TTLL11: variants seen among roughly 807,000 people sequenced by gnomAD.
TTLL11 encodes tubulin tyrosine ligase like 11.
A neutral mutation model predicts 51.7 loss-of-function variants in TTLL11; 42 were observed. That is an observed-to-expected ratio of 0.81 (90% CI 0.64 to 1.05). The LOEUF is 1.05. Among genes scored for constraint, TTLL11 ranks in the 50% least tolerant of loss-of-function variants. The pLI is 0.00. For missense variants in TTLL11, 799 were observed against 940.4 expected (o/e 0.85, Z 1.97); for synonymous variants, 381 against 383.5 (o/e 0.99, Z 0.08).
At chr9:122,057,414 C>T (rs185630820) in intron 1 of TTLL11, among the ~76,000 whole-genome samples, 33 of 151,032 alleles carry the variant, frequency 2.2e-4, no homozygotes, top group Admixed American at 7.3e-4. Flanking sequence ...CTCCGGCTCC[C>T]GGGTTCAAGC....
chr9:121,921,966 A>G, intron 6 of TTLL11, among the ~76,000 whole-genome samples: 1 of 152,202 alleles, frequency 6.6e-6, no homozygotes, highest in East Asian at 1.9e-4. Context: ...CACAGACTGA[A>G]AACTTTTCAT....
chr9:121,835,650 C>T (rs1171441979), intron 8 of TTLL11, among the ~76,000 whole-genome samples: 1 of 152,194 alleles, frequency 6.6e-6, no homozygotes, highest in Non-Finnish European at 1.5e-5. Flanking sequence ...AAATAACAAA[C>T]ATAATCAAAG....
intron 3 of TTLL11, among the ~76,000 whole-genome samples, chr9:122,010,137 T>C (rs1843755775): frequency 6.6e-6 from 1 of 152,208 alleles, no homozygotes; most frequent in Non-Finnish European, 1.5e-5. Context: ...TTAGTTAATC[T>C]GACAGTTCAT....
At chr9:121,904,930 G>C (rs997564145) in intron 6 of TTLL11, among the ~76,000 whole-genome samples, 1 of 152,188 alleles carries the variant, frequency 6.6e-6, no homozygotes, top group Non-Finnish European at 1.5e-5. Flanking sequence ...ATGTATGGAC[G>C]TCGATGCTCC....
chr9:121,886,965 G>A (rs144452137), intron 6 of TTLL11, among the ~76,000 whole-genome samples: 2 of 152,300 alleles, frequency 1.3e-5, no homozygotes, highest in South Asian at 2.1e-4. Flanking sequence ...GCTCAGCTGC[G>A]TGGGATGAAC....
intron 6 of TTLL11, among the ~76,000 whole-genome samples, chr9:121,935,675 C>T (rs1841179636): frequency 6.6e-6 from 1 of 152,166 alleles, no homozygotes; most frequent in Non-Finnish European, 1.5e-5. Flanking sequence ...ATTCTTAGAG[C>T]TCTCCAAACT....
intron 8 of TTLL11, among the ~76,000 whole-genome samples, chr9:121,825,776 G>T (rs547870321): frequency 6.6e-6 from 1 of 151,332 alleles, no homozygotes; most frequent in Non-Finnish European, 1.5e-5. Flanking sequence ...TGTCAGTTTC[G>T]TTCCCTTAGT....
intron 3 of TTLL11, among the ~76,000 whole-genome samples, chr9:121,998,148 C>T (rs558093994): frequency 1.3e-5 from 2 of 152,284 alleles, no homozygotes; most frequent in South Asian, 2.1e-4. Flanking sequence ...CGAATGTATA[C>T]GACTGGTTAT....
chr9:122,000,879 C>G (rs970189467), intron 3 of TTLL11, among the ~76,000 whole-genome samples: 1 of 152,140 alleles, frequency 6.6e-6, no homozygotes, highest in African/African-American at 2.4e-5. Context: ...GATCAGGACC[C>G]GTTTCTGGTT....
chr9:122,010,025 G>A (rs902763841), intron 3 of TTLL11, among the ~76,000 whole-genome samples: 5 of 151,874 alleles, frequency 3.3e-5, no homozygotes, highest in African/African-American at 4.8e-5. Context: ...TGTATCCTAC[G>A]TGGTCATTAA....
chr9:122,037,584 C>T (rs1844738403), intron 2 of TTLL11, among the ~76,000 whole-genome samples: 1 of 152,072 alleles, frequency 6.6e-6, no homozygotes, highest in Non-Finnish European at 1.5e-5. Context: ...CTTAATATGA[C>T]CCTTGCTTGG....
chr9:122,043,271 G>A (rs1371165826), intron 1 of TTLL11, among the ~76,000 whole-genome samples: 1 of 152,138 alleles, frequency 6.6e-6, no homozygotes, highest in Non-Finnish European at 1.5e-5. Flanking sequence ...AAAAAAATCA[G>A]TGTGGTACTG....
intron 8 of TTLL11, among the ~76,000 whole-genome samples, chr9:121,836,380 T>A (rs938211485): frequency 1.3e-5 from 2 of 152,160 alleles, no homozygotes; most frequent in African/African-American, 4.8e-5. Flanking sequence ...TTGCCCTTCC[T>A]GACATTGCTA....
chr9:122,067,257 C>T (rs183497141), intron 1 of TTLL11, among the ~76,000 whole-genome samples: 10 of 152,272 alleles, frequency 6.6e-5, no homozygotes, highest in South Asian at 2.1e-4. Context: ...ATAAAAACTC[C>T]CTAACACAGA....
In TTLL11 at chr9:121,995,251, A is replaced by C. The variant is rs1198081856; in HGVS notation, c.694-5481T>G. Reference sequence around the variant, plus strand: ...GGCTGGAACGGGCAGAACAGACCCCAAACACCCTGTATTTATACTCGATCT... The same window carrying C: ...GGCTGGAACGGGCAGAACAGACCCCCAACACCCTGTATTTATACTCGATCT... On this transcript the variant is annotated intron_variant, in intron 3 of 8. Coordinates refer to ENST00000321582, the MANE Select transcript of TTLL11 (RefSeq NM_001139442.2). This position sits in a 1 kb window ranked among gnomAD's most constrained non-coding sequence, Gnocchi z 4.4. Among the ~76,000 whole-genome samples, 1 of 152,204 alleles carries C rather than the reference A, an allele frequency of 6.6e-6. No individual in the cohort carries two copies. The highest frequency in any genetic ancestry group is 1.9e-4 in the East Asian group (1 of 5,192).
intron 8 of TTLL11, among the ~76,000 whole-genome samples, chr9:121,858,953 C>T (rs906161893): frequency 3.9e-5 from 6 of 152,198 alleles, no homozygotes; most frequent in East Asian, 1.9e-4. Flanking sequence ...CCCTTCTGTG[C>T]GTCCCTTTTG....
At chr9:121,969,113 G>A (rs564177088) in intron 6 of TTLL11, among the ~76,000 whole-genome samples, 5 of 152,184 alleles carry the variant, frequency 3.3e-5, no homozygotes, top group Admixed American at 6.5e-5. Context: ...CAAGTAATCC[G>A]CCCACCTTGG....
intron 8 of TTLL11, among the ~76,000 whole-genome samples, chr9:121,854,583 G>T (rs1220894905): frequency 6.6e-6 from 1 of 152,194 alleles, no homozygotes; most frequent in Non-Finnish European, 1.5e-5. Flanking sequence ...TGGTTGCCCA[G>T]CTCAAATGTT....
At chr9:121,979,896 TTAG>T (rs1427791672) in intron 4 of TTLL11, among the ~76,000 whole-genome samples, 1 of 151,962 alleles carries the variant, frequency 6.6e-6, no homozygotes, top group Non-Finnish European at 1.5e-5. Context: ...TGCTGAAACA[TTAG>T]TAGTTCAAGG....
Sources: gnomAD v4.1 joint callset for allele counts (sites outside exome capture counted in the v4.1 genomes callset) on GRCh38, gnomAD v4.1.1 for gene constraint, Gnocchi (gnomAD v3.1) non-coding constraint, MANE v1.5 for transcripts, NCBI Gene and HGNC (gene_info 2026-07-23, HGNC 2026-07-21) for gene names.